INTS10: variants seen among roughly 807,000 people sequenced by gnomAD.
INTS10 encodes chromosome 8 open reading frame 35.
In INTS10, 44 loss-of-function variants were observed where a neutral mutation model predicts 94.4. The observed-to-expected ratio is 0.47, with a 90% CI of 0.37 to 0.60. The LOEUF is 0.60. Ranked by LOEUF, INTS10 falls within the 20% of genes least tolerant of loss-of-function variation. The pLI, the probability that INTS10 is intolerant of heterozygous loss-of-function variation, is 0.00. For missense variants in INTS10, 797 were observed against 868.7 expected, an observed-to-expected ratio of 0.92 and a Z score of 1.04; for synonymous variants, 341 against 320.7, an observed-to-expected ratio of 1.06 and a Z score of -0.68.
chr8:19,846,878 G>GT lies in INTS10; in HGVS notation c.1976+1082dup, dbSNP rs1185698249. Among the ~76,000 whole-genome samples the GT allele has an allele frequency of 3.3e-5, 5 of 152,164 alleles. No homozygotes were observed. Among genetic ancestry groups the GT allele is most frequent in the Admixed American group, 6.5e-5 (1 of 15,268 alleles). On this transcript the variant is annotated intron_variant, in intron 16 of 16. Transcript: ENST00000397977. The surrounding 1 kb of genome is among the most constrained non-coding windows in gnomAD (Gnocchi z 4.2). ...TGCTTCCTGCACATTCAGTGTGTCT[G>GT]TAAGTCAGTGTTAGAGTTTCTGCAA...
chr8:19,818,224 G>A, intron 1 of INTS10, 51 bp from the exon 2 acceptor site: 2 of 1,574,010 alleles, frequency 1.3e-6, no homozygotes, highest in Non-Finnish European at 1.7e-6. Context: ...GGATGAGCTG[G>A]GAGCCTTCTG....
intron 9 of INTS10, among the ~76,000 whole-genome samples, chr8:19,828,157 G>C (rs987063391): frequency 3.9e-5 from 6 of 152,124 alleles, no homozygotes; most frequent in African/African-American, 1.4e-4. Flanking sequence ...GTTCCAGTGA[G>C]TGATGACCAC....
Position 19,817,504 on chromosome 8 carries a change from C to T in INTS10, c.-34C>T. ...AGAGTCCAGAGCCGGACGTTCCGGC[C>T]GCTTCGGGCTGGCGGCTGGAGAGCG... On this transcript the variant is annotated 5_prime_UTR_variant, in exon 1 of 17. Coordinates refer to ENST00000397977, the MANE Select transcript of INTS10 (RefSeq NM_018142.4). 10 of 1,594,690 alleles carry T rather than the reference C, an allele frequency of 6.3e-6. No individual in the cohort carries two copies. Among genetic ancestry groups the T allele is most frequent in the Non-Finnish European group, 8.5e-6 (10 of 1,172,630 alleles).
intron 9 of INTS10, among the ~76,000 whole-genome samples, chr8:19,828,652 G>C (rs2066988804): frequency 6.6e-6 from 1 of 151,976 alleles, no homozygotes; most frequent in Non-Finnish European, 1.5e-5. Flanking sequence ...GTTCGTGTAT[G>C]ATATTAGGTT....
rs562609571 is a variant in INTS10, at chr8:19,851,633, C to G, written c.1977-16C>G. ...TAACCCCTGGTCTTTGTCTGTTTCC[C>G]TATTGCTGACCTCAGGCACCACACT... On this transcript the variant is annotated splice_polypyrimidine_tract_variant and intron_variant, in intron 16 of 16. Coordinates refer to ENST00000397977, the MANE Select transcript of INTS10 (RefSeq NM_018142.4). The surrounding 1 kb of genome is among the most constrained non-coding windows in gnomAD (Gnocchi z 5.0). The G allele has an allele frequency of 3.7e-6, 6 of 1,613,904 alleles. No homozygotes were observed. The Admixed American group carries it at 6.7e-5, about 18-fold the overall frequency.
chr8:19,828,834 G>T (rs748415768), intron 9 of INTS10, among the ~76,000 whole-genome samples: 24 of 151,962 alleles, frequency 1.6e-4, no homozygotes, highest in African/African-American at 3.4e-4. Context: ...TGGGATTACA[G>T]GGGTAAGCCA....
chr8:19,833,186 G>T lies in INTS10; in HGVS notation c.1395G>T (p.Ala465=), dbSNP rs201067990. 3.2e-5 allele frequency: 51 copies of T among 1,603,512 alleles called. No homozygotes were observed. Among genetic ancestry groups the T allele is most frequent in the Non-Finnish European group, 4.3e-5 (51 of 1,176,170 alleles). ...MIIYQGQYKK[A]IASLHHLAAL... ...TTTCTTAGGGTCAATATAAAAAGGC[G>T]ATAGCCAGCCTGCATCACTTAGCAG... The change falls in exon 12 of 17, where the codon GCG becomes GCT. Residue 465 remains alanine, a synonymous_variant. Coordinates refer to ENST00000397977, the MANE Select transcript of INTS10 (RefSeq NM_018142.4).
intron 4 of INTS10, chr8:19,822,230 A>T (rs891002963): frequency 2.5e-6 from 1 of 401,762 alleles, no homozygotes. Flanking sequence ...ACCAAGACAG[A>T]GTGGTCAGAT....
intron 16 of INTS10, among the ~76,000 whole-genome samples, chr8:19,847,955 A>C (rs561599914): frequency 1.3e-5 from 2 of 152,334 alleles, no homozygotes; most frequent in Admixed American, 1.3e-4. Context: ...CAAGCCTCTT[A>C]GGAAGGCTGC....
In INTS10 at chr8:19,841,769, G is replaced by A. The variant is rs767887605; in HGVS notation, c.1640-1079G>A. The A allele has an allele frequency of 4.0e-5, 18 of 449,260 alleles. 1 individual carries two copies. Among genetic ancestry groups the A allele is most frequent in the Admixed American group, 1.5e-4 (6 of 41,272 alleles). 27.8% of individuals were successfully genotyped at this position (449,260 alleles called of 1,614,324 possible). ...ATTACCTAATTATTAAATGTACCTCGCGTCCTAGTTGTATACCTTAGATGA... is the reference window on the plus strand; with the variant it reads ...ATTACCTAATTATTAAATGTACCTCACGTCCTAGTTGTATACCTTAGATGA... On this transcript the variant is annotated intron_variant, in intron 13 of 16. Coordinates refer to ENST00000397977, the MANE Select transcript of INTS10 (RefSeq NM_018142.4).
chr8:19,837,274 G>C (rs759304085), intron 13 of INTS10, 114 bp downstream of exon 13: 27 of 713,302 alleles, frequency 3.8e-5, no homozygotes, highest in Admixed American at 2.1e-5. Context: ...GATAGCTTTT[G>C]AGCCCAGGAG....
chr8:19,839,439 C>A (rs1169153240), intron 13 of INTS10, among the ~76,000 whole-genome samples: 1 of 152,150 alleles, frequency 6.6e-6, no homozygotes, highest in African/African-American at 2.4e-5. Context: ...GTGGCTTATG[C>A]CTGTAATCCC....
At chr8:19,840,665 A>G (rs189963433) in intron 13 of INTS10, among the ~76,000 whole-genome samples, 2 of 152,250 alleles carry the variant, frequency 1.3e-5, no homozygotes, top group East Asian at 1.9e-4. Context: ...AAGTAATTCA[A>G]TAAGGAAAGG....
chr8:19,835,930 C>T (rs1264870510), intron 12 of INTS10, among the ~76,000 whole-genome samples: 1 of 152,094 alleles, frequency 6.6e-6, no homozygotes, highest in Non-Finnish European at 1.5e-5. Flanking sequence ...ATCCCCACTT[C>T]CAGGAGTTCA....
chr8:19,834,849 C>T (rs767689476), intron 12 of INTS10, among the ~76,000 whole-genome samples: 4 of 152,086 alleles, frequency 2.6e-5, no homozygotes, highest in Middle Eastern at 3.2e-3. Context: ...GCTGGGAAGT[C>T]CAAGGTGAAG....
intron 13 of INTS10, among the ~76,000 whole-genome samples, chr8:19,840,321 G>A (rs764467091): frequency 1.3e-5 from 2 of 152,094 alleles, no homozygotes; most frequent in Non-Finnish European, 2.9e-5. Flanking sequence ...TATATCAGAA[G>A]ATTCAATATT....
In INTS10 at chr8:19,817,615, G is replaced by A; in HGVS notation, c.78G>A (p.Lys26=). The change falls in exon 1 of 17, where the codon AAG becomes AAA. Residue 26 remains lysine (K), a synonymous_variant. Coordinates refer to ENST00000397977, the MANE Select transcript of INTS10 (RefSeq NM_018142.4). ...ELVPQDLWAA[K]AWLITARSLY... is the part of the protein sequence containing the mutation. Reference sequence around the variant, plus strand: ...TGCCGCAAGACCTGTGGGCAGCCAAGGCGTGGCTGATCACGGCCCGCAGCC... The same window carrying A: ...TGCCGCAAGACCTGTGGGCAGCCAAAGCGTGGCTGATCACGGCCCGCAGCC... The A allele has an allele frequency of 6.2e-7, 1 of 1,608,536 alleles. No individual in the cohort carries two copies. Among genetic ancestry groups the A allele is most frequent in the Non-Finnish European group, 8.5e-7 (1 of 1,178,140 alleles).
rs144108470 is a variant in INTS10, at chr8:19,841,436, A to C, written c.1640-1412A>C. 2.7e-4 allele frequency among the ~76,000 whole-genome samples: 41 copies of C among 152,306 alleles called. No individual in the cohort carries two copies. In the East Asian group the frequency reaches 6.2e-3, roughly 23 times the overall value. ...AAATCAACAAAAACTTAGTATCTAG[A>C]GTTTTGAAAGAGCTCCTTCAGACCA... On this transcript the variant is annotated intron_variant, in intron 13 of 16. Coordinates refer to ENST00000397977, the MANE Select transcript of INTS10 (RefSeq NM_018142.4).
intron 8 of INTS10, 81 bp from the exon 9 acceptor site, chr8:19,826,345 G>T: frequency 2.1e-6 from 3 of 1,417,012 alleles, no homozygotes; most frequent in Non-Finnish European, 2.9e-6. Flanking sequence ...GCCTCCCAAA[G>T]GGCTGGGATT....
Sources: allele counts gnomAD v4.1 joint callset (sites outside exome capture counted in the v4.1 genomes callset), GRCh38; gene constraint gnomAD v4.1.1; non-coding constraint Gnocchi (gnomAD v3.1); transcripts MANE v1.5; gene names NCBI Gene and HGNC (gene_info 2026-07-23, HGNC 2026-07-21).